The following EYS variants were observed in gnomAD, a reference collection of about 807,000 sequenced individuals.
EYS encodes protein eyes shut homolog.
EYS carries 250 observed loss-of-function variants against 282.1 expected under a neutral mutation model. That is an observed-to-expected ratio of 0.89 (90% CI 0.80 to 0.98). EYS has a LOEUF of 0.98. EYS is among the 50% of genes least tolerant of loss of function. The pLI is 0.00. For missense variants in EYS, 4,016 were observed against 3,709.0 expected, an observed-to-expected ratio of 1.08 and a Z score of -2.15; for synonymous variants, 1,355 against 1,282.9, an observed-to-expected ratio of 1.06 and a Z score of -1.20.
chr6:64,707,640 G>A (rs571768882), intron 22 of EYS, among the ~76,000 whole-genome samples: 1 of 145,702 alleles, frequency 6.9e-6, no homozygotes, highest in East Asian at 2.0e-4. Context: ...ACTCCAGCCG[G>A]GGCGACAGAG....
At chr6:64,880,826 A>G (rs966598234) in intron 19 of EYS, among the ~76,000 whole-genome samples, 2 of 148,994 alleles carry the variant, frequency 1.3e-5, no homozygotes. Flanking sequence ...AAGAGATTTT[A>G]TATATATATA....
chr6:63,920,459 GCTTCA>G (rs147120070), intron 35 of EYS, among the ~76,000 whole-genome samples: 3,276 of 152,326 alleles, frequency 0.022, 102 homozygotes, highest in African/African-American at 0.075. Flanking sequence ...TGTTCTCACA[GCTTCA>G]CAGCTTCAGT....
At chr6:64,364,948 G>A (rs768082965) in intron 29 of EYS, among the ~76,000 whole-genome samples, 13 of 151,774 alleles carry the variant, frequency 8.6e-5, no homozygotes, top group Non-Finnish European at 1.9e-4. Flanking sequence ...TATTTTTAAT[G>A]GAATTTTTAT....
chr6:64,093,429 T>C (rs958842655), intron 31 of EYS, among the ~76,000 whole-genome samples: 7 of 152,324 alleles, frequency 4.6e-5, no homozygotes, highest in African/African-American at 1.4e-4. Context: ...TTTTATTTCA[T>C]TGAGCAGTGG....
At chr6:64,443,209 C>T (rs1443057697) in intron 26 of EYS, among the ~76,000 whole-genome samples, 2 of 152,090 alleles carry the variant, frequency 1.3e-5, no homozygotes, top group South Asian at 2.1e-4. Flanking sequence ...AATTTGACTG[C>T]CCTGCTGGAT....
At position 63,911,080 on chromosome 6, in the gene EYS, G is replaced by A. The variant is rs146290344; in HGVS notation, c.7056-46722C>T. On this transcript the variant is annotated intron_variant, in intron 35 of 42. Transcript: ENST00000503581. ...TGTTCACAGATTATGATATTGCTTA[G>A]CAAAGCAGAAAATTATGAAATCTAG... Among the ~76,000 whole-genome samples the A allele has an allele frequency of 5.0e-3, 745 of 149,642 alleles. 3 individuals are homozygous for A. Among genetic ancestry groups the A allele is most frequent in the African/African-American group, 0.016 (663 of 40,734 alleles).
chr6:65,001,301 A>C (rs1771460896), intron 13 of EYS, among the ~76,000 whole-genome samples: 1 of 147,426 alleles, frequency 6.8e-6, no homozygotes, highest in African/African-American at 2.4e-5. Context: ...GGTGGCTCTC[A>C]GCAGGATGGA....
intron 35 of EYS, among the ~76,000 whole-genome samples, chr6:63,956,439 G>GC (rs1765825254): frequency 6.6e-6 from 1 of 152,062 alleles, no homozygotes. Flanking sequence ...TTTGGACTCA[G>GC]CCCACCTGCA....
At chr6:64,010,421 A>C (rs1768564744) in intron 33 of EYS, among the ~76,000 whole-genome samples, 3 of 148,796 alleles carry the variant, frequency 2.0e-5, no homozygotes, top group South Asian at 4.3e-4. Context: ...TGTGGAGAGA[A>C]GGGGGACAGG....
rs544583124 is a variant in EYS at position 64,165,599 on chromosome 6, T to A, written c.6424+64993A>T. 1.5e-4 allele frequency among the ~76,000 whole-genome samples: 23 copies of A among 152,296 alleles called. No individual in the cohort carries two copies. The South Asian group carries it at 4.8e-3, about 32-fold the overall frequency. ...GTCCTCAATTATGAATAATACTTCA[T>A]ACTTTTCATGATTAGTTTTTGATTT... On this transcript the variant is annotated intron_variant, in intron 31 of 42. Transcript: ENST00000503581.
At chr6:64,186,809 G>A (rs1214284969) in intron 31 of EYS, among the ~76,000 whole-genome samples, 3 of 152,036 alleles carry the variant, frequency 2.0e-5, no homozygotes, top group South Asian at 2.1e-4. Flanking sequence ...TTTTAAATAC[G>A]CGCACTTGTA....
At chr6:65,243,710 C>A (rs1340088578) in intron 12 of EYS, among the ~76,000 whole-genome samples, 5 of 151,962 alleles carry the variant, frequency 3.3e-5, no homozygotes, top group Admixed American at 2.6e-4. Flanking sequence ...TCTTTTCTAG[C>A]CCAATCAACA....
chr6:64,233,106 C>G (rs1766477210), intron 30 of EYS, among the ~76,000 whole-genome samples: 2 of 152,206 alleles, frequency 1.3e-5, no homozygotes, highest in Admixed American at 1.3e-4. Context: ...GCCACTACTT[C>G]TTTCTCCTGC....
At chr6:63,884,241 G>A (rs186520109) in intron 35 of EYS, among the ~76,000 whole-genome samples, 1 of 152,206 alleles carries the variant, frequency 6.6e-6, no homozygotes, top group East Asian at 1.9e-4. Flanking sequence ...ATTTGAAACA[G>A]TCTCTTATAG....
intron 31 of EYS, among the ~76,000 whole-genome samples, chr6:64,208,049 A>G (rs539267988): frequency 6.6e-6 from 1 of 152,216 alleles, no homozygotes; most frequent in Non-Finnish European, 1.5e-5. Context: ...TGATCTAAAT[A>G]TATGTGAATA....
intron 22 of EYS, among the ~76,000 whole-genome samples, chr6:64,792,804 G>A (rs1279138165): frequency 6.7e-6 from 1 of 149,568 alleles, no homozygotes; most frequent in East Asian, 2.0e-4. Context: ...TCCCTGTTTC[G>A]GTCTCTGACA....
intron 19 of EYS, among the ~76,000 whole-genome samples, chr6:64,867,008 G>T (rs1479116342): frequency 6.6e-6 from 1 of 151,638 alleles, no homozygotes; most frequent in African/African-American, 2.4e-5. Flanking sequence ...TCTGGGTGTG[G>T]AATACAGAAG....
intron 5 of EYS, among the ~76,000 whole-genome samples, chr6:65,412,163 G>A (rs555401315): frequency 3.3e-5 from 5 of 152,222 alleles, no homozygotes; most frequent in African/African-American, 1.2e-4. Flanking sequence ...CATGAAGTGT[G>A]CCTTACCAGG....
Position 63,778,121 on chromosome 6 carries a change from T to C in EYS, c.7783A>G (p.Asn2595Asp). 1.3e-6 allele frequency: 2 copies of C among 1,551,816 alleles called. No homozygotes were observed. The highest frequency in any genetic ancestry group is 1.7e-6 in the Non-Finnish European group (2 of 1,146,966). Residue 2595 changes from asparagine (N) to aspartate (D), a missense_variant, in exon 40 of 43, where the codon AAT (asparagine) becomes GAT (aspartate). Transcript: ENST00000503581. ...CCAGCATTTGGGTGGCCCTCAGGATTTCCCAGTCCTCTGAAATGGCCATCC... is the reference window on the plus strand; with the variant it reads ...CCAGCATTTGGGTGGCCCTCAGGATCTCCCAGTCCTCTGAAATGGCCATCC... ...EKDGHFRGLG[N>D]PEGHPNAGRS...
Sources: allele counts gnomAD v4.1 joint callset (sites outside exome capture counted in the v4.1 genomes callset), GRCh38; gene constraint gnomAD v4.1.1; transcripts MANE v1.5; gene names NCBI Gene and HGNC (gene_info 2026-07-23, HGNC 2026-07-21).